PARD3: variants seen among roughly 807,000 people sequenced by gnomAD.
PARD3 encodes par-3 family cell polarity regulator, also known as partitioning defective 3 homolog.
Under a neutral mutation model 155.4 loss-of-function variants are expected in PARD3, and 75 were observed. The ratio of observed to expected loss-of-function variants is 0.48; its 90% CI spans 0.40 to 0.58. The LOEUF is 0.58. Among genes scored for constraint, PARD3 ranks in the 20% least tolerant of loss-of-function variants. PARD3 has a pLI of 0.00. For missense variants in PARD3, 1,642 were observed against 1,721.7 expected (o/e 0.95, Z 0.82); for synonymous variants, 576 against 610.5 (o/e 0.94, Z 0.83).
Position 34,737,907 on chromosome 10 carries a change from G to A in PARD3, c.121-41488C>T, listed in dbSNP as rs148975376. ...CACCACGCTAGGGACGCCTGGGCCC[G>A]CAGGTGGTTCTCAGAACTGCCATTG... On this transcript the variant is annotated intron_variant, in intron 1 of 24. Transcript: ENST00000374788. Among the ~76,000 whole-genome samples the A allele has an allele frequency of 2.8e-4, 43 of 152,286 alleles. No individual in the cohort carries two copies. In the East Asian group the frequency reaches 6.2e-3, roughly 22 times the overall value.
At chr10:34,557,691 C>G (rs1455696362) in intron 2 of PARD3, among the ~76,000 whole-genome samples, 1 of 152,042 alleles carries the variant, frequency 6.6e-6, no homozygotes, top group South Asian at 2.1e-4. Flanking sequence ...CTCCTGACTT[C>G]AAGCGATCCA....
intron 2 of PARD3, among the ~76,000 whole-genome samples, chr10:34,603,744 A>C (rs1191531939): frequency 6.6e-6 from 1 of 152,200 alleles, no homozygotes; most frequent in East Asian, 1.9e-4. Flanking sequence ...CACAGAATGA[A>C]AACAGAAAAA....
intron 2 of PARD3, among the ~76,000 whole-genome samples, chr10:34,562,907 G>A (rs978630800): frequency 1.3e-5 from 2 of 152,034 alleles, no homozygotes; most frequent in African/African-American, 4.8e-5. Context: ...AAGTAGCTGG[G>A]ACTACAGGCA....
chr10:34,127,644 C>G (rs1484838025), intron 23 of PARD3, among the ~76,000 whole-genome samples: 1 of 152,164 alleles, frequency 6.6e-6, no homozygotes, highest in African/African-American at 2.4e-5. Flanking sequence ...AATCCACATT[C>G]CCAGGCAAAG....
At chr10:34,405,106 ACACACACAC>A in intron 5 of PARD3, among the ~76,000 whole-genome samples, 1 of 135,876 alleles carries the variant, frequency 7.4e-6, no homozygotes, top group African/African-American at 2.5e-5. Context: ...ACACACACAC[ACACACACAC>A]ACTTTAAAAA....
At chr10:34,578,708 CCCT>C (rs2087114866) in intron 2 of PARD3, among the ~76,000 whole-genome samples, 1 of 152,164 alleles carries the variant, frequency 6.6e-6, no homozygotes, top group African/African-American at 2.4e-5. Flanking sequence ...GGCCACTGAG[CCCT>C]TACCAAGCTA....
chr10:34,143,704 T>C (rs985638002), intron 22 of PARD3, among the ~76,000 whole-genome samples: 1 of 152,156 alleles, frequency 6.6e-6, no homozygotes, highest in Non-Finnish European at 1.5e-5. Context: ...GAATATTAAA[T>C]AATGTAACAA....
chr10:34,418,206 T>C (rs1396805028), intron 5 of PARD3, among the ~76,000 whole-genome samples: 29 of 152,190 alleles, frequency 1.9e-4, no homozygotes, highest in Admixed American at 1.9e-3. Flanking sequence ...GGCGTGGTCT[T>C]GTTCTATCGC....
intron 5 of PARD3, among the ~76,000 whole-genome samples, chr10:34,412,336 A>T (rs1387203748): frequency 6.6e-6 from 1 of 152,154 alleles, no homozygotes; most frequent in Admixed American, 6.5e-5. Flanking sequence ...ATGTAAAATG[A>T]AGATGCTGAT....
intron 3 of PARD3, among the ~76,000 whole-genome samples, chr10:34,489,121 T>C (rs904249090): frequency 1.3e-5 from 2 of 152,180 alleles, no homozygotes; most frequent in African/African-American, 2.4e-5. Context: ...GAAGATCATG[T>C]GATGTCAGGA....
chr10:34,473,072 T>C (rs369522905), intron 3 of PARD3, among the ~76,000 whole-genome samples: 6 of 152,150 alleles, frequency 3.9e-5, no homozygotes, highest in East Asian at 3.9e-4. Context: ...CCCTGCGGGA[T>C]GTCTCTTATG....
intron 1 of PARD3, among the ~76,000 whole-genome samples, 154 bp downstream of exon 1, chr10:34,814,722 G>C (rs185778956): frequency 3.3e-5 from 5 of 151,702 alleles, no homozygotes; most frequent in Admixed American, 1.3e-4. Context: ...GGCGCCCGCA[G>C]TCCGGGGCGG....
intron 5 of PARD3, among the ~76,000 whole-genome samples, chr10:34,404,324 C>G (rs1053248060): frequency 6.6e-6 from 1 of 152,144 alleles, no homozygotes; most frequent in Non-Finnish European, 1.5e-5. Context: ...TCCATTATAA[C>G]TACAGTAAAC....
intron 20 of PARD3, among the ~76,000 whole-genome samples, chr10:34,314,279 G>A (rs918821346): frequency 6.6e-6 from 1 of 152,028 alleles, no homozygotes; most frequent in African/African-American, 2.4e-5. Flanking sequence ...ATGGAAGGAA[G>A]GTAGTTTAAA....
At chr10:34,158,099 C>T (rs553099036) in intron 22 of PARD3, among the ~76,000 whole-genome samples, 5 of 152,300 alleles carry the variant, frequency 3.3e-5, no homozygotes, top group Admixed American at 6.5e-5. Flanking sequence ...CAAAGCCTGA[C>T]AATGCAAGGT....
intron 5 of PARD3, among the ~76,000 whole-genome samples, chr10:34,434,848 A>G (rs1372242385): frequency 6.6e-6 from 1 of 152,188 alleles, no homozygotes. Flanking sequence ...TTCCTTAGTG[A>G]AAATAGCCTC....
At chr10:34,571,986 C>T (rs962077411) in intron 2 of PARD3, among the ~76,000 whole-genome samples, 1 of 152,116 alleles carries the variant, frequency 6.6e-6, no homozygotes, top group East Asian at 1.9e-4. Flanking sequence ...TTTGCCTTTG[C>T]GTTACCCAAG....
At chr10:34,222,989 G>C (rs1428684468) in intron 22 of PARD3, among the ~76,000 whole-genome samples, 2 of 152,188 alleles carry the variant, frequency 1.3e-5, no homozygotes, top group Non-Finnish European at 2.9e-5. Flanking sequence ...CCGTGGGCCC[G>C]GAATTGTTCA....
At chr10:34,268,784 G>T (rs975906324) in intron 22 of PARD3, among the ~76,000 whole-genome samples, 1 of 152,120 alleles carries the variant, frequency 6.6e-6, no homozygotes. Context: ...GTCATGGGAT[G>T]GGGGGAGGGG....
Sources: gnomAD v4.1 joint callset for allele counts (sites outside exome capture counted in the v4.1 genomes callset) on GRCh38, gnomAD v4.1.1 for gene constraint, MANE v1.5 for transcripts, NCBI Gene and HGNC (gene_info 2026-07-23, HGNC 2026-07-21) for gene names.